The following KCNN2 variants were observed in gnomAD, a reference collection of about 807,000 sequenced individuals.
The protein encoded by KCNN2 is small conductance calcium-activated potassium channel protein 2.
Under a neutral mutation model 55.5 loss-of-function variants are expected in KCNN2, and 24 were observed. The ratio of observed to expected loss-of-function variants is 0.43; its 90% CI spans 0.31 to 0.61. KCNN2 has a LOEUF of 0.61. KCNN2 is among the 20% of genes least tolerant of loss of function. The pLI is 0.08. For synonymous variants in KCNN2, 431 were observed against 336.1 expected (o/e 1.28, Z -3.09); for missense variants, 754 against 853.6 (o/e 0.88, Z 1.45).
At chr5:114,255,549 A>G (rs1754964790) in intron 2 of KCNN2, among the ~76,000 whole-genome samples, 1 of 152,226 alleles carries the variant, frequency 6.6e-6, no homozygotes, top group Non-Finnish European at 1.5e-5. Context: ...CAGGAGCCAG[A>G]TAAGGCAGGG....
intron 1 of KCNN2, among the ~76,000 whole-genome samples, chr5:114,092,602 A>G (rs35939963): frequency 0.16 from 24,198 of 152,178 alleles, 2,042 homozygotes; most frequent in Middle Eastern, 0.21. Context: ...GAGTTTCTCC[A>G]TGAGGGCTCC....
At chr5:114,240,427 CTTTTT>C (rs201223682) in intron 2 of KCNN2, among the ~76,000 whole-genome samples, 1 of 130,400 alleles carries the variant, frequency 7.7e-6, no homozygotes, top group Non-Finnish European at 1.6e-5. Flanking sequence ...TTTTCTTTCT[CTTTTT>C]TTTTTTTTTT....
chr5:114,436,704 A>G (rs1760016721), intron 3 of KCNN2, among the ~76,000 whole-genome samples: 1 of 152,220 alleles, frequency 6.6e-6, no homozygotes, highest in Admixed American at 6.5e-5. Context: ...AAGGCATACA[A>G]GTATGAAAGG....
intron 2 of KCNN2, among the ~76,000 whole-genome samples, chr5:114,349,562 CAA>C (rs1561580581): frequency 6.6e-6 from 1 of 151,732 alleles, no homozygotes; most frequent in Non-Finnish European, 1.5e-5. Flanking sequence ...TTCCAAAATT[CAA>C]AAAAATAAAA....
chr5:114,282,377 G>A (rs767290), intron 2 of KCNN2, among the ~76,000 whole-genome samples: 136,442 of 152,124 alleles, frequency 0.9, 61,588 homozygotes, highest in Middle Eastern at 0.94. Context: ...TGATTTTATA[G>A]ATGTTGCAGA....
intron 1 of KCNN2, among the ~76,000 whole-genome samples, chr5:114,073,421 C>G (rs1214193362): frequency 6.6e-6 from 1 of 152,198 alleles, no homozygotes; most frequent in Non-Finnish European, 1.5e-5. Context: ...GTTCAATTAG[C>G]ATGGACTTTA....
At chr5:114,335,259 T>C (rs555604701) in intron 2 of KCNN2, among the ~76,000 whole-genome samples, 1 of 152,280 alleles carries the variant, frequency 6.6e-6, no homozygotes, top group African/African-American at 2.4e-5. Context: ...TTCCTCCCCT[T>C]CAGCTGTCTG....
At chr5:114,296,799 T>C (rs938491372) in intron 2 of KCNN2, among the ~76,000 whole-genome samples, 1 of 152,266 alleles carries the variant, frequency 6.6e-6, no homozygotes, top group Non-Finnish European at 1.5e-5. Context: ...TTTTAATTTT[T>C]GAGAAACATC....
intron 1 of KCNN2, among the ~76,000 whole-genome samples, chr5:114,099,001 A>G (rs986580431): frequency 3.3e-5 from 5 of 152,148 alleles, no homozygotes; most frequent in African/African-American, 1.2e-4. Flanking sequence ...GTATAACACA[A>G]AACATTTATT....
intron 2 of KCNN2, among the ~76,000 whole-genome samples, chr5:114,375,949 AGT>A (rs1479017147): frequency 2.3e-5 from 1 of 42,630 alleles, no homozygotes; most frequent in African/African-American, 8.5e-5. Context: ...AAAGACTCAC[AGT>A]GTATATATAT....
chr5:114,086,329 C>G (rs572134060), intron 1 of KCNN2, among the ~76,000 whole-genome samples: 2 of 151,668 alleles, frequency 1.3e-5, no homozygotes, highest in South Asian at 2.1e-4. Context: ...AGGTTTGTTA[C>G]CTAGGTTTAC....
chr5:114,367,722 G>A (rs1757642744), intron 2 of KCNN2, among the ~76,000 whole-genome samples: 2 of 151,926 alleles, frequency 1.3e-5, no homozygotes, highest in South Asian at 2.1e-4. Context: ...ACAAAACGGA[G>A]TTCAACTATC....
intron 1 of KCNN2, among the ~76,000 whole-genome samples, chr5:114,095,980 T>G (rs1043112317): frequency 6.6e-6 from 1 of 152,202 alleles, no homozygotes; most frequent in African/African-American, 2.4e-5. Context: ...CTATGTCATC[T>G]ATCTGGCCTA....
intron 1 of KCNN2, among the ~76,000 whole-genome samples, chr5:114,162,632 A>G (rs1752812961): frequency 6.6e-6 from 1 of 152,092 alleles, no homozygotes; most frequent in Admixed American, 6.6e-5. Flanking sequence ...GGCCTCCTTG[A>G]GCTGTGGTGG....
At chr5:114,079,064 C>G (rs555764852) in intron 1 of KCNN2, among the ~76,000 whole-genome samples, 1 of 152,178 alleles carries the variant, frequency 6.6e-6, no homozygotes, top group South Asian at 2.1e-4. Flanking sequence ...TTTCCACTAC[C>G]CTGAGCCTCA....
chr5:114,140,427 C>T (rs924013761), intron 1 of KCNN2, among the ~76,000 whole-genome samples: 4 of 152,128 alleles, frequency 2.6e-5, no homozygotes, highest in Non-Finnish European at 5.9e-5. Context: ...GATACTTTGA[C>T]ATAAAAGCAA....
chr5:114,472,786 C>G (rs983211247), intron 4 of KCNN2, among the ~76,000 whole-genome samples: 3 of 152,114 alleles, frequency 2.0e-5, no homozygotes, highest in Admixed American at 2.0e-4. Context: ...CAAAAATTCA[C>G]CAAGTTGCTT....
intron 1 of KCNN2, among the ~76,000 whole-genome samples, chr5:114,063,009 G>C (rs1364897061): frequency 6.6e-6 from 1 of 152,144 alleles, no homozygotes; most frequent in African/African-American, 2.4e-5. Flanking sequence ...GATAAAGCTT[G>C]ATTTTCTGCT....
chr5:114,206,764 T>TC (rs1753785607), intron 1 of KCNN2, among the ~76,000 whole-genome samples: 1 of 33,230 alleles, frequency 3.0e-5, no homozygotes, highest in South Asian at 7.3e-4. Context: ...CTGGTACTTC[T>TC]TTTTTTTTTT....
Sources: allele counts gnomAD v4.1 joint callset (sites outside exome capture counted in the v4.1 genomes callset), GRCh38; gene constraint gnomAD v4.1.1; transcripts MANE v1.5; gene names NCBI Gene and HGNC (gene_info 2026-07-23, HGNC 2026-07-21).